The following PPP1R1C variants were observed in gnomAD, a reference collection of about 807,000 sequenced individuals.
PPP1R1C encodes protein phosphatase 1 regulatory subunit 1C.
PPP1R1C carries 15 observed loss-of-function variants against 17.4 expected under a neutral mutation model. The ratio of observed to expected loss-of-function variants is 0.86; its 90% CI spans 0.58 to 1.33. The LOEUF (loss-of-function observed/expected upper bound fraction) is 1.33. PPP1R1C is among the 40% of genes most tolerant of loss of function. PPP1R1C has a pLI of 0.00. For missense variants in PPP1R1C, 143 were observed against 130.0 expected (o/e 1.10, Z -0.48); for synonymous variants, 35 against 43.1 (o/e 0.81, Z 0.73).
At chr2:182,016,206 C>T (rs1212781526) in intron 2 of PPP1R1C, among the ~76,000 whole-genome samples, 2 of 152,160 alleles carry the variant, frequency 1.3e-5, no homozygotes, top group Admixed American at 1.3e-4. Flanking sequence ...CCCACAAGCA[C>T]ACAGATTCTC....
At chr2:182,028,487 A>T (rs1401557440) in intron 2 of PPP1R1C, among the ~76,000 whole-genome samples, 2 of 152,166 alleles carry the variant, frequency 1.3e-5, no homozygotes, top group Non-Finnish European at 2.9e-5. Flanking sequence ...GTCATTCAGG[A>T]GCAGGTTCTT....
chr2:182,029,517 CT>C (rs1350696030), intron 2 of PPP1R1C, among the ~76,000 whole-genome samples: 2 of 148,938 alleles, frequency 1.3e-5, no homozygotes, highest in East Asian at 4.0e-4. Flanking sequence ...AAATTCTTTT[CT>C]TTAAGAATGT....
In PPP1R1C at chr2:181,962,391, T is replaced by A; in HGVS notation, n.111+7757T>A. The A allele has an allele frequency of 1.3e-6, 1 of 790,426 alleles. No individual in the cohort carries two copies. Among genetic ancestry groups the A allele is most frequent in the East Asian group, 2.6e-5 (1 of 39,206 alleles). 49.0% of individuals were successfully genotyped at this position (790,426 alleles called of 1,614,324 possible). On this transcript the variant is annotated intron_variant and non_coding_transcript_variant, in intron 1 of 5. Transcript: ENST00000464264. This position sits in a 1 kb window ranked among gnomAD's most constrained non-coding sequence, Gnocchi z 6.0. ...CCTGCATAGACGCTGGCCATGCAGC[T>A]GGCCGGCCGGGCGCCGTAGTTGGAC...
At chr2:182,050,373 T>G (rs1451110432) in intron 2 of PPP1R1C, among the ~76,000 whole-genome samples, 1 of 152,220 alleles carries the variant, frequency 6.6e-6, no homozygotes, top group African/African-American at 2.4e-5. Flanking sequence ...TGTACCGTTC[T>G]TTAAAAAGCC....
chr2:182,075,581 T>C (rs943840431), intron 4 of PPP1R1C, among the ~76,000 whole-genome samples: 1 of 152,122 alleles, frequency 6.6e-6, no homozygotes. Context: ...ACACATAAAA[T>C]TTACACACCA....
At chr2:182,070,076 A>G (rs1319075342) in intron 4 of PPP1R1C, among the ~76,000 whole-genome samples, 1 of 152,156 alleles carries the variant, frequency 6.6e-6, no homozygotes, top group Non-Finnish European at 1.5e-5. Flanking sequence ...TAAGTCCTTT[A>G]ATAGGGATTT....
At chr2:181,985,818 G>T, upstream of PPP1R1C, 1 of 424,650 alleles carries the variant, frequency 2.4e-6, no homozygotes, top group Non-Finnish European at 4.2e-6. The surrounding 1 kb of genome is among the most constrained non-coding windows in gnomAD (Gnocchi z 4.1). Flanking sequence ...TGAATGCTTG[G>T]CATGTGTATT....
chr2:182,063,913 A>G (rs1348846981), intron 4 of PPP1R1C, 122 bp downstream of exon 4: 3 of 771,804 alleles, frequency 3.9e-6, no homozygotes, highest in Non-Finnish European at 7.0e-6. Context: ...ACAACTTAAC[A>G]GTGTTATGTT....
intron 3 of PPP1R1C, among the ~76,000 whole-genome samples, chr2:182,062,513 A>C (rs1362828895): frequency 6.6e-6 from 1 of 152,140 alleles, no homozygotes; most frequent in Non-Finnish European, 1.5e-5. Flanking sequence ...CATATTTAAC[A>C]TTAATGTAGA....
intron 4 of PPP1R1C, among the ~76,000 whole-genome samples, chr2:182,080,554 G>C (rs923853894): frequency 6.6e-6 from 1 of 152,048 alleles, no homozygotes. Flanking sequence ...AATACATCAC[G>C]TAATACACAT....
At chr2:181,960,340 A>T (rs1224061210) in intron 1 of PPP1R1C, among the ~76,000 whole-genome samples, 1 of 152,258 alleles carries the variant, frequency 6.6e-6, no homozygotes, top group Non-Finnish European at 1.5e-5. Flanking sequence ...TTTTAGGATG[A>T]GCACAAACCA....
At chr2:182,114,725 A>G (rs1689531817) in intron 4 of PPP1R1C, among the ~76,000 whole-genome samples, 1 of 152,192 alleles carries the variant, frequency 6.6e-6, no homozygotes. Context: ...TGCCTCATCA[A>G]AATGTTTCAC....
At chr2:181,998,945 C>T (rs1030788868) in intron 2 of PPP1R1C, among the ~76,000 whole-genome samples, 3 of 152,186 alleles carry the variant, frequency 2.0e-5, no homozygotes, top group East Asian at 1.9e-4. Context: ...TGGACTAAAA[C>T]GGATCATCTC....
In PPP1R1C at chr2:182,050,667, C is replaced by T. The variant is rs533741197; in HGVS notation, c.143-10775C>T. Among the ~76,000 whole-genome samples the T allele has an allele frequency of 2.2e-4, 33 of 152,268 alleles. 1 individual carries two copies. The South Asian group carries it at 6.2e-3, about 29-fold the overall frequency. On this transcript the variant is annotated intron_variant, in intron 2 of 4. Coordinates refer to ENST00000682840, the MANE Select transcript of PPP1R1C (RefSeq NM_001080545.3). ...GCCTATTTATTTGATTCTTCCAGAT[C>T]CTAGCCAAATTAAACACTAATCTTA...
intron 4 of PPP1R1C, among the ~76,000 whole-genome samples, chr2:182,098,037 C>T (rs921551586): frequency 5.3e-5 from 8 of 152,054 alleles, no homozygotes; most frequent in African/African-American, 1.9e-4. Flanking sequence ...CTCTTCTTCT[C>T]TTCCAAAAGA....
At chr2:181,964,868 G>A (rs1380745499) in intron 1 of PPP1R1C, among the ~76,000 whole-genome samples, 1 of 152,096 alleles carries the variant, frequency 6.6e-6, no homozygotes, top group African/African-American at 2.4e-5. Flanking sequence ...ACCATGCCTG[G>A]CAAATTTTTG....
intron 3 of PPP1R1C, among the ~76,000 whole-genome samples, 183 bp downstream of exon 3, chr2:182,061,662 C>A (rs1012445339): frequency 6.6e-6 from 1 of 152,092 alleles, no homozygotes; most frequent in Non-Finnish European, 1.5e-5. Context: ...CCTTTATTCT[C>A]TACCTATGTA....
At chr2:182,041,156 T>C (rs1687169686) in intron 2 of PPP1R1C, among the ~76,000 whole-genome samples, 2 of 152,170 alleles carry the variant, frequency 1.3e-5, no homozygotes, top group East Asian at 3.8e-4. Context: ...TCCATTTGAA[T>C]TTTAGGGTTG....
At chr2:181,964,071 A>G (rs1684858800) in intron 1 of PPP1R1C, among the ~76,000 whole-genome samples, 2 of 152,152 alleles carry the variant, frequency 1.3e-5, no homozygotes, top group Admixed American at 6.5e-5. Context: ...ATATAAATAT[A>G]TTTTTGTACG....
Sources: gnomAD v4.1 joint callset for allele counts (sites outside exome capture counted in the v4.1 genomes callset) on GRCh38, gnomAD v4.1.1 for gene constraint, Gnocchi (gnomAD v3.1) non-coding constraint, MANE v1.5 for transcripts, NCBI Gene and HGNC (gene_info 2026-07-23, HGNC 2026-07-21) for gene names.